The following GABRA3 variants were observed in gnomAD, a reference collection of about 807,000 sequenced individuals.
GABRA3 encodes gamma-aminobutyric acid type A receptor subunit alpha3.
A neutral mutation model predicts 30.1 loss-of-function variants in GABRA3; 10 were observed. The observed-to-expected ratio is 0.33, with a 90% confidence interval of 0.20 to 0.56. GABRA3 has a LOEUF of 0.56. Ranked by LOEUF, GABRA3 falls within the 20% of genes least tolerant of loss-of-function variation. The pLI, the probability that GABRA3 is intolerant of heterozygous loss-of-function variation, is 0.89. For missense variants in GABRA3, 233 were observed against 392.0 expected, an observed-to-expected ratio of 0.59 and a Z score of 3.42; for synonymous variants, 151 against 146.8, an observed-to-expected ratio of 1.03 and a Z score of -0.21.
At chrX:152,226,405 C>G (rs7064834) in intron 5 of GABRA3, among the ~76,000 whole-genome samples, 29,976 of 110,433 alleles carry the variant, frequency 0.27, 3,438 homozygotes, top group African/African-American at 0.42. Flanking sequence ...AGACTTAAAC[C>G]TAAGACCTAA....
chrX:152,319,641 G>GA (rs1691669918), intron 3 of GABRA3, among the ~76,000 whole-genome samples: 2 of 111,407 alleles, frequency 1.8e-5, no homozygotes, highest in African/African-American at 6.5e-5. Flanking sequence ...GATGACATCA[G>GA]AAAAAAACCT....
At chrX:152,435,874 C>G (rs910220129) in intron 1 of GABRA3, among the ~76,000 whole-genome samples, 1 of 111,162 alleles carries the variant, frequency 9.0e-6, no homozygotes, top group Non-Finnish European at 1.9e-5. Flanking sequence ...TTGCTATGCA[C>G]TAATAATAAA....
At chrX:152,305,268 G>A (rs1276440401) in intron 3 of GABRA3, among the ~76,000 whole-genome samples, 3 of 110,202 alleles carry the variant, frequency 2.7e-5, no homozygotes, top group Non-Finnish European at 5.7e-5. Context: ...ATTCCAGAAG[G>A]GGCAAAGTAG....
chrX:152,286,453 C>A (rs1355418516), intron 3 of GABRA3, among the ~76,000 whole-genome samples: 1 of 110,946 alleles, frequency 9.0e-6, no homozygotes, highest in South Asian at 3.8e-4. Flanking sequence ...ATTGAGCACA[C>A]TAGTAACACA....
At chrX:152,201,704 G>C (rs1251224906) in intron 7 of GABRA3, among the ~76,000 whole-genome samples, 1 of 111,965 alleles carries the variant, frequency 8.9e-6, no homozygotes, top group Non-Finnish European at 1.9e-5. Flanking sequence ...GGATTTTTTA[G>C]CTTGGCAAAT....
At chrX:152,433,197 G>A (rs1930692411) in intron 1 of GABRA3, among the ~76,000 whole-genome samples, 2 of 110,198 alleles carry the variant, frequency 1.8e-5, no homozygotes, top group East Asian at 2.9e-4. Flanking sequence ...ACACAATGGA[G>A]ACACATTAGA....
chrX:152,247,427 C>A (rs1938477443), intron 5 of GABRA3, among the ~76,000 whole-genome samples: 1 of 111,038 alleles, frequency 9.0e-6, no homozygotes, highest in African/African-American at 3.3e-5. Flanking sequence ...ATAGGCCACA[C>A]CCTCCCTTAT....
chrX:152,353,075 A>G (rs1190199341), intron 2 of GABRA3, among the ~76,000 whole-genome samples: 3 of 111,093 alleles, frequency 2.7e-5, no homozygotes, highest in African/African-American at 9.8e-5. Flanking sequence ...AGAAAAAAAA[A>G]AAGAAGAAGA....
chrX:152,325,586 G>T (rs1393953224), intron 3 of GABRA3, among the ~76,000 whole-genome samples: 2 of 112,043 alleles, frequency 1.8e-5, no homozygotes, highest in Non-Finnish European at 3.8e-5. Flanking sequence ...GGCAAAGAGG[G>T]TCTGGAGTGG....
chrX:152,262,708 G>T (rs907002855), intron 4 of GABRA3, among the ~76,000 whole-genome samples: 8 of 111,597 alleles, frequency 7.2e-5, no homozygotes, highest in African/African-American at 2.6e-4. Flanking sequence ...AGCCCTCTAA[G>T]TCTCTAGAAA....
At chrX:152,414,774 G>A (rs1930164169) in intron 1 of GABRA3, among the ~76,000 whole-genome samples, 1 of 106,441 alleles carries the variant, frequency 9.4e-6, no homozygotes, top group Admixed American at 1.0e-4. Flanking sequence ...CCAAAACTTG[G>A]AAGCAACCAA....
At chrX:152,376,905 T>G (rs1317226672) in intron 1 of GABRA3, among the ~76,000 whole-genome samples, 1 of 111,544 alleles carries the variant, frequency 9.0e-6, no homozygotes, top group African/African-American at 3.3e-5. Flanking sequence ...ACCTCTGAAA[T>G]TCTCATTAAG....
intron 3 of GABRA3, among the ~76,000 whole-genome samples, chrX:152,329,316 T>C (rs1940122700): frequency 8.9e-6 from 1 of 111,786 alleles, no homozygotes; most frequent in South Asian, 3.8e-4. Flanking sequence ...AAGCTACCAA[T>C]GGCTTTCTTC....
At chrX:152,294,559 C>A (rs1603235932) in intron 3 of GABRA3, among the ~76,000 whole-genome samples, 1 of 111,134 alleles carries the variant, frequency 9.0e-6, no homozygotes. Context: ...GTCTTCCTTG[C>A]AATGGGTTCA....
intron 1 of GABRA3, among the ~76,000 whole-genome samples, chrX:152,398,225 C>T (rs1929708769): frequency 9.3e-6 from 1 of 107,643 alleles, no homozygotes; most frequent in Non-Finnish European, 1.9e-5. Flanking sequence ...AGTGGCTTGG[C>T]TTTCATATTA....
intron 1 of GABRA3, chrX:152,392,325 A>C: frequency 5.2e-6 from 2 of 385,233 alleles, no homozygotes; most frequent in Non-Finnish European, 1.0e-5. Flanking sequence ...AGAAGCTGAC[A>C]TCCAATATAT....
intron 4 of GABRA3, among the ~76,000 whole-genome samples, chrX:152,275,468 T>TATATATTTACATATTTATTTTAAATGTA (rs1406086247): frequency 9.4e-6 from 1 of 106,466 alleles, no homozygotes; most frequent in Non-Finnish European, 1.9e-5. Context: ...AAATATCAAA[T>TATATATTTACATATTTATTTTAAATGTA]AAATAGAGCT....
intron 1 of GABRA3, among the ~76,000 whole-genome samples, chrX:152,442,870 C>T (rs1930970509): frequency 9.0e-6 from 1 of 111,447 alleles, no homozygotes; most frequent in Admixed American, 9.5e-5. Flanking sequence ...AAATAAATTC[C>T]AGAGGGATTA....
chrX:152,244,173 C>A (rs1396490693), intron 5 of GABRA3, among the ~76,000 whole-genome samples: 1 of 111,737 alleles, frequency 8.9e-6, no homozygotes, highest in Non-Finnish European at 1.9e-5. Flanking sequence ...GATTGAATAC[C>A]ACATGTAAGT....
Sources: allele counts gnomAD v4.1 joint callset (sites outside exome capture counted in the v4.1 genomes callset), GRCh38; gene constraint gnomAD v4.1.1; transcripts MANE v1.5; gene names NCBI Gene and HGNC (gene_info 2026-07-23, HGNC 2026-07-21).